Variants in TEX9 observed in about 807,000 individuals in gnomAD.
TEX9 encodes testis expressed 9, also known as testis-expressed protein 9.
In TEX9, 74 loss-of-function variants were observed where a neutral mutation model predicts 59.6. The observed-to-expected ratio is 1.24, with a 90% CI of 1.03 to 1.51. The LOEUF (loss-of-function observed/expected upper bound fraction) is 1.51. Ranked by LOEUF, TEX9 falls within the 40% of genes most tolerant of loss-of-function variation. TEX9 has a pLI of 0.00. For missense variants in TEX9, 522 were observed against 447.8 expected (o/e 1.17, Z -1.49); for synonymous variants, 186 against 152.2 (o/e 1.22, Z -1.64).
At chr15:56,285,901 C>T (rs1487941555) in intron 1 of TEX9, among the ~76,000 whole-genome samples, 1 of 152,116 alleles carries the variant, frequency 6.6e-6, no homozygotes, top group East Asian at 1.9e-4. Context: ...CAATTAGCTC[C>T]TGTGAGTTTA....
chr15:56,349,308 A>G (rs1015395241), intron 1 of TEX9, among the ~76,000 whole-genome samples: 5 of 152,218 alleles, frequency 3.3e-5, no homozygotes, highest in Non-Finnish European at 7.3e-5. Flanking sequence ...TGCAAAATTT[A>G]TCTCTTGGGA....
Position 56,317,110 on chromosome 15 carries a change from T to C in TEX9, c.-106-56331T>C, listed in dbSNP as rs1444239640. Reference sequence around the variant, plus strand: ...ATGGAAATGCGGAAATCACCCGTCTTCTGCGTCGCTCACGCTGGGAGCTGT... The same window carrying C: ...ATGGAAATGCGGAAATCACCCGTCTCCTGCGTCGCTCACGCTGGGAGCTGT... On this transcript the variant is annotated intron_variant, in intron 1 of 5. Coordinates refer to the TEX9 transcript ENST00000560827. Among the ~76,000 whole-genome samples the C allele has an allele frequency of 6.6e-5, 10 of 152,344 alleles. No homozygotes were observed. In the East Asian group the frequency reaches 1.9e-3, roughly 29 times the overall value.
intron 9 of TEX9, chr15:56,398,355 G>C (rs907268013): frequency 2.6e-5 from 4 of 152,092 alleles, no homozygotes; most frequent in African/African-American, 9.7e-5. Context: ...CCTTCTTGCA[G>C]TGGCTACTAG....
intron 1 of TEX9, among the ~76,000 whole-genome samples, chr15:56,244,723 G>A (rs2141264401): frequency 6.6e-6 from 1 of 152,116 alleles, no homozygotes; most frequent in East Asian, 1.9e-4. Flanking sequence ...AGAAACGCAT[G>A]TAGTACTCAC....
chr15:56,276,705 G>C (rs1261572111), intron 1 of TEX9, among the ~76,000 whole-genome samples: 3 of 152,166 alleles, frequency 2.0e-5, no homozygotes, highest in Non-Finnish European at 4.4e-5. Flanking sequence ...TAATGGGATT[G>C]CTGGGTCAAA....
chr15:56,419,162 T>C (rs2049849326), intron 10 of TEX9, among the ~76,000 whole-genome samples: 1 of 151,924 alleles, frequency 6.6e-6, no homozygotes, highest in Admixed American at 6.5e-5. Flanking sequence ...TTTGATGTTA[T>C]AAATGTTCTT....
chr15:56,268,884 A>G (rs2044455223), intron 1 of TEX9, among the ~76,000 whole-genome samples: 1 of 152,136 alleles, frequency 6.6e-6, no homozygotes, highest in African/African-American at 2.4e-5. Context: ...TGATTGGAAT[A>G]TATTCAGAAG....
chr15:56,339,405 A>AAAAAAAAC (rs1567091420), intron 1 of TEX9, among the ~76,000 whole-genome samples: 1 of 115,784 alleles, frequency 8.6e-6, no homozygotes, highest in Non-Finnish European at 2.0e-5. Flanking sequence ...AAAAAAAAAA[A>AAAAAAAAC]AAAAAAAAAC....
At chr15:56,346,604 T>C (rs2046474587) in intron 1 of TEX9, among the ~76,000 whole-genome samples, 1 of 152,218 alleles carries the variant, frequency 6.6e-6, no homozygotes, top group Admixed American at 6.5e-5. Context: ...TCATCTTGAT[T>C]GATAACACAT....
intron 10 of TEX9, among the ~76,000 whole-genome samples, chr15:56,414,497 G>T (rs530432985): frequency 6.6e-6 from 1 of 151,628 alleles, no homozygotes; most frequent in African/African-American, 2.4e-5. Context: ...AGCGGTATTC[G>T]GTTTTGTGTT....
At chr15:56,277,094 A>G (rs1255286519) in intron 1 of TEX9, among the ~76,000 whole-genome samples, 1 of 152,122 alleles carries the variant, frequency 6.6e-6, no homozygotes, top group African/African-American at 2.4e-5. Context: ...ATAGATTGCA[A>G]CAATTTTCTC....
chr15:56,312,030 G>C (rs1212719951), intron 1 of TEX9, among the ~76,000 whole-genome samples: 1 of 151,848 alleles, frequency 6.6e-6, no homozygotes, highest in Non-Finnish European at 1.5e-5. Flanking sequence ...GTTCACTATA[G>C]ATTCTGGATA....
intron 1 of TEX9, among the ~76,000 whole-genome samples, chr15:56,280,138 A>G (rs2044779807): frequency 6.6e-6 from 1 of 152,230 alleles, no homozygotes; most frequent in Non-Finnish European, 1.5e-5. Flanking sequence ...CAGTAAGTTA[A>G]TTGTATTAAA....
rs747140012 is a variant in TEX9 at position 56,373,520 on chromosome 15, A to G, written c.183+16A>G. ...GGAAATAATAGTAAGTATATGTACA[A>G]TTATTAATAATTCTATATAAATGCT... On this transcript the variant is annotated intron_variant, in intron 3 of 12. Coordinates refer to ENST00000352903, the Ensembl canonical transcript of TEX9. The G allele has an allele frequency of 2.0e-6, 3 of 1,519,208 alleles. No homozygotes were observed. The East Asian group carries it at 7.5e-5, about 38-fold the overall frequency. The allele number at this position is 1,519,208 out of a possible 1,614,324, so 94.1% of individuals were successfully genotyped here. A position where few individuals can be genotyped will look rare whatever the true frequency, so the allele number is the denominator to read the frequency against.
intron 1 of TEX9, among the ~76,000 whole-genome samples, chr15:56,287,073 A>T (rs2044971017): frequency 6.6e-6 from 1 of 152,176 alleles, no homozygotes; most frequent in Non-Finnish European, 1.5e-5. Flanking sequence ...GATGCTCTAT[A>T]TTTGACATAA....
intron 1 of TEX9, among the ~76,000 whole-genome samples, chr15:56,261,784 T>A (rs2044275471): frequency 6.6e-6 from 1 of 151,896 alleles, no homozygotes; most frequent in Non-Finnish European, 1.5e-5. Flanking sequence ...AAGAAGAGGA[T>A]CCCAAAGGAT....
chr15:56,287,442 G>A (rs936824701), intron 1 of TEX9, among the ~76,000 whole-genome samples: 3 of 152,082 alleles, frequency 2.0e-5, no homozygotes, highest in Non-Finnish European at 4.4e-5. Context: ...TACTTGTGGT[G>A]TATAATGTGA....
chr15:56,440,489 T>G (rs2050799023), intron 12 of TEX9, among the ~76,000 whole-genome samples: 1 of 152,164 alleles, frequency 6.6e-6, no homozygotes, highest in East Asian at 1.9e-4. Flanking sequence ...AAATGAAAAT[T>G]GATGTTTATA....
chr15:56,379,767 T>C (rs2047638780), intron 3 of TEX9, among the ~76,000 whole-genome samples: 1 of 152,242 alleles, frequency 6.6e-6, no homozygotes. Context: ...TGTTGCTGGA[T>C]TGACCTCTTT....
Sources: gnomAD v4.1 joint callset for allele counts (sites outside exome capture counted in the v4.1 genomes callset) on GRCh38, gnomAD v4.1.1 for gene constraint, MANE v1.5 for transcripts, NCBI Gene and HGNC (gene_info 2026-07-23, HGNC 2026-07-21) for gene names.